Variants in LRMDA observed in about 807,000 individuals in gnomAD.
LRMDA encodes leucine rich melanocyte differentiation associated.
LRMDA carries 18 observed loss-of-function variants against 29.8 expected under a neutral mutation model. The ratio of observed to expected loss-of-function variants is 0.60; its 90% CI spans 0.42 to 0.90. The LOEUF is 0.90. Ranked by LOEUF, LRMDA falls within the 40% of genes least tolerant of loss-of-function variation. The pLI is 0.00. For synonymous variants in LRMDA, 125 were observed against 109.4 expected (o/e 1.14, Z -0.89); for missense variants, 273 against 273.9 (o/e 1.00, Z 0.02).
chr10:76,289,615 T>C (rs1336508150), intron 5 of LRMDA, among the ~76,000 whole-genome samples: 1 of 152,202 alleles, frequency 6.6e-6, no homozygotes, highest in Non-Finnish European at 1.5e-5. Context: ...TGGTTAACTA[T>C]AGTCTGGCAT....
chr10:75,943,292 C>G (rs1409603711), intron 2 of LRMDA, among the ~76,000 whole-genome samples: 4 of 152,084 alleles, frequency 2.6e-5, no homozygotes, highest in African/African-American at 9.7e-5. Context: ...TCCTATGACA[C>G]TCATGGAGGA....
intron 2 of LRMDA, among the ~76,000 whole-genome samples, chr10:75,685,270 A>G (rs886990229): frequency 6.6e-6 from 1 of 152,060 alleles, no homozygotes; most frequent in Non-Finnish European, 1.5e-5. Flanking sequence ...GTGTTTAGGA[A>G]TGTCTCAGGG....
intron 5 of LRMDA, among the ~76,000 whole-genome samples, chr10:76,154,768 T>C (rs1850507775): frequency 6.6e-6 from 1 of 152,220 alleles, no homozygotes; most frequent in Non-Finnish European, 1.5e-5. Flanking sequence ...TCTCATGGCA[T>C]GGTCCGGACA....
intron 6 of LRMDA, among the ~76,000 whole-genome samples, chr10:76,343,247 C>G (rs1218601494): frequency 6.6e-6 from 1 of 152,128 alleles, no homozygotes; most frequent in Non-Finnish European, 1.5e-5. Flanking sequence ...TTCCAAATTT[C>G]TTTTGTGAAG....
intron 2 of LRMDA, among the ~76,000 whole-genome samples, chr10:75,557,871 G>A (rs953134731): frequency 1.3e-5 from 2 of 152,128 alleles, no homozygotes; most frequent in Non-Finnish European, 2.9e-5. Flanking sequence ...TCCTCAAGAG[G>A]TTTCAAGGAC....
At chr10:76,220,871 A>G (rs920800083) in intron 5 of LRMDA, among the ~76,000 whole-genome samples, 1 of 152,212 alleles carries the variant, frequency 6.6e-6, no homozygotes, top group Non-Finnish European at 1.5e-5. Flanking sequence ...AAAAATCCTC[A>G]ATAAAATACT....
rs1198372241 is a variant in LRMDA, at chr10:76,558,526, T to C, written c.*1238T>C. 1 of 152,216 alleles carries C rather than the reference T, an allele frequency of 6.6e-6. No individual in the cohort carries two copies. Among genetic ancestry groups the C allele is most frequent in the Non-Finnish European group, 1.5e-5 (1 of 68,054 alleles). The allele number at this position is 152,216 out of a possible 1,614,324, so 9.4% of individuals were successfully genotyped here. On this transcript the variant is annotated 3_prime_UTR_variant, in exon 7 of 7. Transcript: ENST00000611255. Reference sequence around the variant, plus strand: ...GCACCAGTCAAATCACTCTAGAAGATGTTCAAAAGGTTGATTGATTGTTCT... The same window carrying C: ...GCACCAGTCAAATCACTCTAGAAGACGTTCAAAAGGTTGATTGATTGTTCT...
chr10:75,648,092 T>C (rs1230639490), intron 2 of LRMDA, among the ~76,000 whole-genome samples: 2 of 152,240 alleles, frequency 1.3e-5, no homozygotes. Context: ...CTGATGTTCA[T>C]ACTGTGATAC....
At chr10:75,842,858 TAAAAA>T (rs57455428) in intron 2 of LRMDA, among the ~76,000 whole-genome samples, 15 of 143,202 alleles carry the variant, frequency 1.0e-4, no homozygotes, top group African/African-American at 3.8e-4. Context: ...CCCTGTTTCT[TAAAAA>T]AAAAAAAAAT....
At chr10:75,443,974 A>T (rs1410739561) in intron 2 of LRMDA, among the ~76,000 whole-genome samples, 1 of 152,196 alleles carries the variant, frequency 6.6e-6, no homozygotes, top group Non-Finnish European at 1.5e-5. Flanking sequence ...TATAAGGAAC[A>T]TCCTTCTTTG....
intron 5 of LRMDA, among the ~76,000 whole-genome samples, chr10:76,167,513 C>T (rs539358828): frequency 5.3e-5 from 8 of 152,272 alleles, no homozygotes; most frequent in African/African-American, 1.7e-4. Flanking sequence ...AATAGAGAAT[C>T]GTTTCCCCAT....
At chr10:76,536,001 T>A (rs140064068) in intron 6 of LRMDA, 8 of 152,278 alleles carry the variant, frequency 5.3e-5, no homozygotes, top group Non-Finnish European at 1.2e-4. Flanking sequence ...GGTCTCAAAT[T>A]CCTGACCTCA....
chr10:75,491,919 C>A (rs1844992683), intron 2 of LRMDA, among the ~76,000 whole-genome samples: 1 of 152,132 alleles, frequency 6.6e-6, no homozygotes, highest in Admixed American at 6.5e-5. Flanking sequence ...CTATGACAAG[C>A]ATAGGGTTGA....
chr10:75,448,080 GGAGA>G (rs1197282416), intron 2 of LRMDA, among the ~76,000 whole-genome samples: 6 of 152,162 alleles, frequency 3.9e-5, no homozygotes, highest in African/African-American at 7.2e-5. Flanking sequence ...GTGGGCAACT[GGAGA>G]GAGTTGCTAA....
chr10:75,547,017 A>G (rs1255802179), intron 2 of LRMDA, among the ~76,000 whole-genome samples: 1 of 152,210 alleles, frequency 6.6e-6, no homozygotes, highest in Non-Finnish European at 1.5e-5. Context: ...CCACCAGTTA[A>G]TATGACCTTC....
At position 75,804,646 on chromosome 10, in the gene LRMDA, G is replaced by C. The variant is rs1051489976; in HGVS notation, c.132-231362G>C. Among the ~76,000 whole-genome samples, 48 of 152,358 alleles carry C rather than the reference G, an allele frequency of 3.2e-4. 2 individuals are homozygous for C. Among genetic ancestry groups the C allele is most frequent in the Admixed American group, 3.1e-3 (48 of 15,308 alleles). On this transcript the variant is annotated intron_variant, in intron 2 of 6. Coordinates refer to ENST00000611255, the MANE Select transcript of LRMDA (RefSeq NM_001305581.2). ...CATTGTGGTCAGAGCTTCAGTACCT[G>C]TGTGCTGCCATTCCGAGGCCTGGGC... is the stretch of plus-strand genomic sequence containing the variant.
intron 3 of LRMDA, among the ~76,000 whole-genome samples, chr10:76,042,039 A>G (rs530525127): frequency 6.6e-6 from 1 of 152,218 alleles, no homozygotes; most frequent in East Asian, 1.9e-4. Context: ...GACAAAAAAG[A>G]AATGTGAGAA....
intron 2 of LRMDA, among the ~76,000 whole-genome samples, chr10:75,492,564 T>G (rs1022987751): frequency 2.6e-5 from 4 of 152,242 alleles, no homozygotes; most frequent in African/African-American, 9.6e-5. Context: ...TCCTCTAGAA[T>G]TTATTAATTT....
intron 6 of LRMDA, among the ~76,000 whole-genome samples, chr10:76,363,837 A>G (rs577092142): frequency 2.0e-5 from 3 of 152,302 alleles, no homozygotes; most frequent in South Asian, 4.1e-4. Flanking sequence ...TCTGTTATAT[A>G]TAAAATGTTC....
Sources: allele counts gnomAD v4.1 joint callset (sites outside exome capture counted in the v4.1 genomes callset), GRCh38; gene constraint gnomAD v4.1.1; transcripts MANE v1.5; gene names NCBI Gene and HGNC (gene_info 2026-07-23, HGNC 2026-07-21).